TBC1D22A: variants seen among roughly 807,000 people sequenced by gnomAD.
The protein encoded by TBC1D22A is TBC1 domain family member 22A.
Under a neutral mutation model 60.2 loss-of-function variants are expected in TBC1D22A, and 38 were observed. That is an observed-to-expected ratio of 0.63 (90% confidence interval 0.49 to 0.83). The LOEUF (loss-of-function observed/expected upper bound fraction) is 0.83, where lower values mean the gene tolerates loss of function less well. TBC1D22A is among the 40% of genes least tolerant of loss of function. The probability of loss-of-function intolerance (pLI) is 0.00; values close to 1 mark genes in which losing one functional copy is unlikely to be tolerated. For missense variants in TBC1D22A, 628 were observed against 701.0 expected, an observed-to-expected ratio of 0.90 and a Z score of 1.18; for synonymous variants, 302 against 281.7, an observed-to-expected ratio of 1.07 and a Z score of -0.72.
chr22:47,043,448 A>T (rs1038775198), intron 11 of TBC1D22A, among the ~76,000 whole-genome samples: 3 of 152,168 alleles, frequency 2.0e-5, no homozygotes, highest in African/African-American at 7.2e-5. Context: ...CATGGTCAGG[A>T]AAAGCTGTTG....
At chr22:46,860,768 G>A (rs1250123129) in intron 4 of TBC1D22A, among the ~76,000 whole-genome samples, 1 of 152,220 alleles carries the variant, frequency 6.6e-6, no homozygotes, top group Non-Finnish European at 1.5e-5. Context: ...AGGAGATCCT[G>A]CTGCCAGGCG....
chr22:46,900,055 T>C (rs2068900991), intron 7 of TBC1D22A, among the ~76,000 whole-genome samples: 1 of 151,922 alleles, frequency 6.6e-6, no homozygotes, highest in Non-Finnish European at 1.5e-5. Context: ...CCTTTTCTCC[T>C]TCCCTTTCTC....
chr22:46,939,440 T>G (rs1569244600), intron 8 of TBC1D22A, among the ~76,000 whole-genome samples: 1 of 152,234 alleles, frequency 6.6e-6, no homozygotes, highest in African/African-American at 2.4e-5. Context: ...GACAAGAATG[T>G]GGACCATCCC....
At chr22:46,831,937 A>T (rs2086325864) in intron 4 of TBC1D22A, among the ~76,000 whole-genome samples, 1 of 142,014 alleles carries the variant, frequency 7.0e-6, no homozygotes, top group Non-Finnish European at 1.6e-5. Flanking sequence ...GTTTGGTGTT[A>T]TCAATGTTGG....
chr22:47,016,779 G>A (rs1297424885), intron 10 of TBC1D22A, among the ~76,000 whole-genome samples: 2 of 152,234 alleles, frequency 1.3e-5, no homozygotes, highest in Non-Finnish European at 2.9e-5. Context: ...CTGCTGCCGC[G>A]GATGTCATCG....
chr22:47,036,531 T>C (rs2062663063), intron 10 of TBC1D22A, among the ~76,000 whole-genome samples: 1 of 152,088 alleles, frequency 6.6e-6, no homozygotes, highest in Non-Finnish European at 1.5e-5. Flanking sequence ...GTGTCAGGGG[T>C]GTCCCCATCC....
intron 1 of TBC1D22A, among the ~76,000 whole-genome samples, chr22:46,778,130 G>A (rs1053511714): frequency 2.6e-5 from 4 of 151,284 alleles, no homozygotes. Context: ...TGGCGCTCAC[G>A]GGACTGGACG....
At chr22:46,774,934 C>CT (rs1192995755) in intron 1 of TBC1D22A, among the ~76,000 whole-genome samples, 2 of 152,238 alleles carry the variant, frequency 1.3e-5, no homozygotes, top group East Asian at 1.9e-4. Flanking sequence ...CTTTCTGCAC[C>CT]TGGGCCTCTA....
At chr22:47,023,316 A>G (rs1387188316) in intron 10 of TBC1D22A, among the ~76,000 whole-genome samples, 2 of 152,266 alleles carry the variant, frequency 1.3e-5, no homozygotes, top group Non-Finnish European at 2.9e-5. Context: ...AATAGAAACT[A>G]TTCAAAATGA....
At chr22:46,841,047 GGTGTGT>G (rs56029066) in intron 4 of TBC1D22A, among the ~76,000 whole-genome samples, 5 of 147,438 alleles carry the variant, frequency 3.4e-5, no homozygotes, top group Admixed American at 2.7e-4. Flanking sequence ...AATGAAAATG[GGTGTGT>G]GTGTGTGTGT....
At chr22:46,795,657 G>C (rs2084619035) in intron 3 of TBC1D22A, among the ~76,000 whole-genome samples, 1 of 152,206 alleles carries the variant, frequency 6.6e-6, no homozygotes. Context: ...TAGTGACAAT[G>C]ATACCATATA....
chr22:47,097,555 G>A (rs112626356), intron 11 of TBC1D22A, among the ~76,000 whole-genome samples: 3,223 of 152,070 alleles, frequency 0.021, 93 homozygotes, highest in African/African-American at 0.072. Context: ...AGCTTGCAGT[G>A]AGCTGAGATT....
intron 8 of TBC1D22A, among the ~76,000 whole-genome samples, chr22:46,929,406 G>A (rs967475216): frequency 3.3e-5 from 5 of 152,274 alleles, no homozygotes; most frequent in South Asian, 4.1e-4. Context: ...AGAGAGTGCC[G>A]TCTTACTCTA....
intron 11 of TBC1D22A, among the ~76,000 whole-genome samples, chr22:47,061,944 C>G (rs1173465466): frequency 6.6e-6 from 1 of 151,920 alleles, no homozygotes; most frequent in Non-Finnish European, 1.5e-5. Context: ...AAACGTTAGC[C>G]AGGCGTGGTG....
chr22:46,869,908 A>G (rs1199424905), intron 4 of TBC1D22A, among the ~76,000 whole-genome samples: 1 of 152,218 alleles, frequency 6.6e-6, no homozygotes, highest in Non-Finnish European at 1.5e-5. Context: ...CTTTGCATAC[A>G]CCACTTTGTG....
At chr22:46,791,467 C>G (rs142522044) in intron 1 of TBC1D22A, among the ~76,000 whole-genome samples, 1 of 152,246 alleles carries the variant, frequency 6.6e-6, no homozygotes, top group East Asian at 1.9e-4. Context: ...TGAGGCCTCA[C>G]CTCTGTGTTC....
intron 8 of TBC1D22A, among the ~76,000 whole-genome samples, chr22:46,965,304 G>T (rs905955587): frequency 6.6e-6 from 1 of 152,232 alleles, no homozygotes; most frequent in Non-Finnish European, 1.5e-5. Flanking sequence ...TGGGGGCGGG[G>T]TGCCCCGCCC....
intron 12 of TBC1D22A, among the ~76,000 whole-genome samples, chr22:47,153,931 G>C (rs894534327): frequency 1.3e-5 from 2 of 152,116 alleles, no homozygotes; most frequent in Non-Finnish European, 2.9e-5. Flanking sequence ...CGGGGACACT[G>C]GACTGGCCTG....
At chr22:46,778,591 G>C (rs1036378445) in intron 1 of TBC1D22A, among the ~76,000 whole-genome samples, 12 of 152,188 alleles carry the variant, frequency 7.9e-5, no homozygotes, top group African/African-American at 2.4e-4. Flanking sequence ...GTCTTCGGGG[G>C]CAATAACATG....
Sources: allele counts gnomAD v4.1 joint callset (sites outside exome capture counted in the v4.1 genomes callset), GRCh38; gene constraint gnomAD v4.1.1; transcripts MANE v1.5; gene names NCBI Gene and HGNC (gene_info 2026-07-23, HGNC 2026-07-21).